Variants in PLD1 observed in about 807,000 individuals in gnomAD.
The protein encoded by PLD1 is choline phosphatase 1.
A neutral mutation model predicts 137.1 loss-of-function variants in PLD1; 112 were observed. The observed-to-expected ratio is 0.82, with a 90% CI of 0.70 to 0.96. The LOEUF is 0.96. PLD1 is among the 40% of genes least tolerant of loss of function. The pLI is 0.00. For synonymous variants in PLD1, 431 were observed against 454.7 expected (o/e 0.95, Z 0.66); for missense variants, 1,321 against 1,342.0 (o/e 0.98, Z 0.24).
intron 25 of PLD1, chr3:171,611,760 G>A (rs1732676068): frequency 2.4e-6 from 1 of 412,388 alleles, no homozygotes; most frequent in Admixed American, 2.7e-5. Flanking sequence ...ATGGAAGCTG[G>A]AGGGTTTGAC....
chr3:171,625,603 C>A lies in PLD1; in HGVS notation c.2594-5083G>T, dbSNP rs563325171. ...AGAAGCTAACTGGGAGGCACCCCCC[C>A]GTAGGTGCAGACTGACACCTCACAC... On this transcript the variant is annotated intron_variant, in intron 23 of 26. Transcript: ENST00000351298. Among the ~76,000 whole-genome samples the A allele has an allele frequency of 7.2e-5, 11 of 152,312 alleles. No homozygotes were observed. In the South Asian group the frequency reaches 8.3e-4, roughly 11 times the overall value.
chr3:171,802,366 ATGTGGAC>A (rs1402248457), intron 1 of PLD1, among the ~76,000 whole-genome samples: 1 of 152,232 alleles, frequency 6.6e-6, no homozygotes, highest in Non-Finnish European at 1.5e-5. Context: ...AAGCAATGCA[ATGTGGAC>A]TGTGAAGTGA....
chr3:171,747,241 A>G (rs1720292329), intron 1 of PLD1, among the ~76,000 whole-genome samples: 1 of 152,196 alleles, frequency 6.6e-6, no homozygotes, highest in South Asian at 2.1e-4. Flanking sequence ...GTCAGTGCAG[A>G]CCAAGAACCC....
At chr3:171,802,476 A>G (rs1723686733) in intron 1 of PLD1, among the ~76,000 whole-genome samples, 3 of 152,228 alleles carry the variant, frequency 2.0e-5, no homozygotes. Context: ...GAAGGAAGCC[A>G]TGCAAAGACT....
intron 1 of PLD1, among the ~76,000 whole-genome samples, chr3:171,769,325 C>T (rs891398965): frequency 1.3e-5 from 2 of 152,192 alleles, no homozygotes; most frequent in African/African-American, 4.8e-5. Flanking sequence ...TATCTGTACC[C>T]ATCAAGCACA....
chr3:171,716,050 TA>T (rs1717663608), intron 8 of PLD1, among the ~76,000 whole-genome samples: 1 of 152,078 alleles, frequency 6.6e-6, no homozygotes, highest in Non-Finnish European at 1.5e-5. Context: ...GTTAGTTTGC[TA>T]AGGACAATGG....
chr3:171,622,849 G>T (rs1733754997), intron 23 of PLD1, among the ~76,000 whole-genome samples: 1 of 150,900 alleles, frequency 6.6e-6, no homozygotes. Context: ...ATAATAACAG[G>T]ATATAAATTA....
intron 1 of PLD1, among the ~76,000 whole-genome samples, chr3:171,783,112 G>C (rs1722855949): frequency 6.6e-6 from 1 of 152,108 alleles, no homozygotes; most frequent in South Asian, 2.1e-4. Flanking sequence ...GTCTGGGAAG[G>C]GATGTTAGGG....
At chr3:171,713,650 G>A (rs976948207) in intron 9 of PLD1, among the ~76,000 whole-genome samples, 1 of 152,156 alleles carries the variant, frequency 6.6e-6, no homozygotes. Context: ...GGCAAATTGA[G>A]TAGTAATTTC....
Position 171,683,358 on chromosome 3 carries a change from G to A in PLD1, c.1867+3327C>T, listed in dbSNP as rs145106820. ...CCGATGACTTCCTATCTCACTCAGGGTCAAAATCTTACAGTGGTCTGCAAG... is the reference window on the plus strand; with the variant it reads ...CCGATGACTTCCTATCTCACTCAGGATCAAAATCTTACAGTGGTCTGCAAG... On this transcript the variant is annotated intron_variant, in intron 16 of 26. Coordinates refer to ENST00000351298, the MANE Select transcript of PLD1 (RefSeq NM_002662.5). Among the ~76,000 whole-genome samples the A allele has an allele frequency of 2.6e-5, 4 of 152,122 alleles. No individual in the cohort carries two copies. In the East Asian group the frequency reaches 7.7e-4, roughly 29 times the overall value.
Position 171,737,667 on chromosome 3 carries a change from A to C in PLD1, c.161-8T>G, listed in dbSNP as rs562003331. 1 of 1,514,806 alleles carries C rather than the reference A, an allele frequency of 6.6e-7. No individual in the cohort carries two copies. Among genetic ancestry groups the C allele is most frequent in the East Asian group, 2.3e-5 (1 of 44,408 alleles). 93.8% of individuals were successfully genotyped at this position (1,514,806 alleles called of 1,614,324 possible). On this transcript the variant is annotated splice_polypyrimidine_tract_variant and splice_region_variant and intron_variant, in intron 2 of 26. Coordinates refer to ENST00000351298, the MANE Select transcript of PLD1 (RefSeq NM_002662.5). ...CAGAGAAAGGGATATACACTAAAAAAAAAAGTAAATAAAGTTAATGCAATA... is the reference window on the plus strand; with the variant it reads ...CAGAGAAAGGGATATACACTAAAAACAAAAGTAAATAAAGTTAATGCAATA...
At chr3:171,711,865 T>C (rs1717268040) in intron 9 of PLD1, among the ~76,000 whole-genome samples, 2 of 150,662 alleles carry the variant, frequency 1.3e-5, no homozygotes, top group Admixed American at 1.3e-4. Context: ...TACAGAAAGT[T>C]TTTTCTTAAT....
At chr3:171,794,210 C>T (rs1282024297) in intron 1 of PLD1, among the ~76,000 whole-genome samples, 1 of 151,786 alleles carries the variant, frequency 6.6e-6, no homozygotes, top group Non-Finnish European at 1.5e-5. Context: ...AGAGAGATCA[C>T]ATTCACATAA....
At chr3:171,749,068 C>G (rs1720473020) in intron 1 of PLD1, among the ~76,000 whole-genome samples, 1 of 152,006 alleles carries the variant, frequency 6.6e-6, no homozygotes, top group Non-Finnish European at 1.5e-5. Context: ...TGCTCCATTT[C>G]TACTGAAAAC....
At chr3:171,745,575 C>A (rs762595227) in intron 1 of PLD1, among the ~76,000 whole-genome samples, 3 of 152,250 alleles carry the variant, frequency 2.0e-5, no homozygotes, top group Admixed American at 1.3e-4. Flanking sequence ...CCAACCAGAC[C>A]CTCAGAGGCA....
intron 9 of PLD1, among the ~76,000 whole-genome samples, chr3:171,710,912 C>T (rs1309469476): frequency 9.6e-5 from 10 of 103,816 alleles, no homozygotes; most frequent in Non-Finnish European, 1.7e-4. Flanking sequence ...TTCGCTCTGT[C>T]GCCCAGGCTG....
At chr3:171,624,410 A>G (rs1560154525) in intron 23 of PLD1, among the ~76,000 whole-genome samples, 1 of 152,192 alleles carries the variant, frequency 6.6e-6, no homozygotes, top group Non-Finnish European at 1.5e-5. Flanking sequence ...ACTCTCTCAT[A>G]TATTGGTGAT....
intron 26 of PLD1, among the ~76,000 whole-genome samples, chr3:171,604,142 C>T (rs1409633818): frequency 6.6e-6 from 1 of 151,638 alleles, no homozygotes; most frequent in Non-Finnish European, 1.5e-5. Context: ...AGTTCAAGAC[C>T]AGCCTGTATC....
At chr3:171,687,133 A>G (rs1260749489) in intron 15 of PLD1, among the ~76,000 whole-genome samples, 1 of 152,220 alleles carries the variant, frequency 6.6e-6, no homozygotes, top group Non-Finnish European at 1.5e-5. Context: ...TGCTACCATT[A>G]GAAGTGGTAA....
Sources: gnomAD v4.1 joint callset for allele counts (sites outside exome capture counted in the v4.1 genomes callset) on GRCh38, gnomAD v4.1.1 for gene constraint, MANE v1.5 for transcripts, NCBI Gene and HGNC (gene_info 2026-07-23, HGNC 2026-07-21) for gene names.